The following CSNK1G1 variants were observed in gnomAD, a reference collection of about 807,000 sequenced individuals.
The protein encoded by CSNK1G1 is casein kinase I isoform gamma-1.
In CSNK1G1, 22 loss-of-function variants were observed where a neutral mutation model predicts 59.6. The observed-to-expected ratio is 0.37, with a 90% CI of 0.26 to 0.53. CSNK1G1 has a LOEUF of 0.53. Among genes scored for constraint, CSNK1G1 ranks in the 20% least tolerant of loss-of-function variants. The pLI is 0.89. For synonymous variants in CSNK1G1, 179 were observed against 177.1 expected, an observed-to-expected ratio of 1.01 and a Z score of -0.08; for missense variants, 384 against 519.5, an observed-to-expected ratio of 0.74 and a Z score of 2.54.
intron 2 of CSNK1G1, chr15:64,266,008 T>C: frequency 3.2e-6 from 1 of 314,166 alleles, no homozygotes; most frequent in Non-Finnish European, 6.4e-6. Flanking sequence ...TGTTTGAGTC[T>C]AGGATCTTTG....
intron 4 of CSNK1G1, among the ~76,000 whole-genome samples, chr15:64,240,730 A>C (rs1046264150): frequency 2.0e-5 from 3 of 152,190 alleles, no homozygotes; most frequent in African/African-American, 7.2e-5. Context: ...TTCCCAGACA[A>C]GCAAAAACTG....
intron 3 of CSNK1G1, among the ~76,000 whole-genome samples, chr15:64,254,353 CTTTT>C (rs564370323): frequency 7.4e-6 from 1 of 135,188 alleles, no homozygotes; most frequent in Non-Finnish European, 1.6e-5. Flanking sequence ...TGCCATTGAA[CTTTT>C]TTTTTTTTTT....
rs1377852602 is a variant in CSNK1G1 at position 64,166,168 on chromosome 15, C to T, written c.*5763G>A. 3 of 490,290 alleles carry T rather than the reference C, an allele frequency of 6.1e-6. No homozygotes were observed. Among genetic ancestry groups the T allele is most frequent in the African/African-American group, 6.0e-5 (3 of 50,092 alleles). 30.4% of individuals were successfully genotyped at this position (490,290 alleles called of 1,614,324 possible). On this transcript the variant is annotated 3_prime_UTR_variant, in exon 12 of 12. Transcript: ENST00000303052. This position sits in a 1 kb window ranked among gnomAD's most constrained non-coding sequence, Gnocchi z 4.5. ...AACTGATTTCCACTGCTGATTTATA[C>T]ATTATCTAGTTGTTTAAAAATCGCA... is the stretch of plus-strand genomic sequence containing the variant.
At chr15:64,222,433 C>A (rs12899353) in intron 4 of CSNK1G1, among the ~76,000 whole-genome samples, 98,918 of 109,154 alleles carry the variant, frequency 0.91, 44,555 homozygotes, top group Non-Finnish European at 0.95. Flanking sequence ...AACAACAACA[C>A]CACCAAAAAA....
At chr15:64,180,512 A>AT in intron 10 of CSNK1G1, 58 bp from the exon 11 acceptor site, 2 of 1,367,134 alleles carry the variant, frequency 1.5e-6, no homozygotes, top group Non-Finnish European at 2.1e-6. Flanking sequence ...ATCTCTTGCC[A>AT]GCGCCAGACA....
chr15:64,346,808 G>T (rs1027220853), intron 1 of CSNK1G1, among the ~76,000 whole-genome samples: 19 of 152,190 alleles, frequency 1.2e-4, no homozygotes, highest in African/African-American at 4.6e-4. Flanking sequence ...TGAAAGAGAA[G>T]AGGTTAACTT....
intron 1 of CSNK1G1, among the ~76,000 whole-genome samples, chr15:64,350,289 CGA>C (rs1566957718): frequency 6.6e-6 from 1 of 151,888 alleles, no homozygotes; most frequent in African/African-American, 2.4e-5. Flanking sequence ...GTCAGGAGAT[CGA>C]GACCATCCTG....
chr15:64,323,443 GCAACC>G (rs1468791291), intron 1 of CSNK1G1, among the ~76,000 whole-genome samples: 1 of 151,278 alleles, frequency 6.6e-6, no homozygotes. Flanking sequence ...TCGGCTCACT[GCAACC>G]TCTGCCTCCT....
rs1035787501 is a variant in CSNK1G1 at position 64,210,884 on chromosome 15, C to A, written c.679+3006G>T. Reference sequence around the variant, plus strand: ...CCCTCATTAACTGATTAACGACCTCCCTTAGGGATGAGTTCCCAAGAAAGC... The same window carrying A: ...CCCTCATTAACTGATTAACGACCTCACTTAGGGATGAGTTCCCAAGAAAGC... On this transcript the variant is annotated intron_variant, in intron 6 of 11. Coordinates refer to ENST00000303052, the MANE Select transcript of CSNK1G1 (RefSeq NM_022048.5). This position sits in a 1 kb window ranked among gnomAD's most constrained non-coding sequence, Gnocchi z 4.2. Among the ~76,000 whole-genome samples the A allele has an allele frequency of 2.0e-5, 3 of 152,140 alleles. No homozygotes were observed. The highest frequency in any genetic ancestry group is 7.2e-5 in the African/African-American group (3 of 41,424).
intron 6 of CSNK1G1, among the ~76,000 whole-genome samples, chr15:64,213,369 TA>T (rs1043208621): frequency 6.6e-6 from 1 of 152,204 alleles, no homozygotes; most frequent in African/African-American, 2.4e-5. Flanking sequence ...CATTTAACAA[TA>T]TTTGTGCAGG....
chr15:64,342,265 C>T (rs1596300099), intron 1 of CSNK1G1, among the ~76,000 whole-genome samples: 1 of 152,212 alleles, frequency 6.6e-6, no homozygotes, highest in East Asian at 1.9e-4. Flanking sequence ...ACCTTCCTTT[C>T]TCTGCCTCAT....
chr15:64,308,723 C>T (rs1158243674), intron 1 of CSNK1G1, among the ~76,000 whole-genome samples: 1 of 151,954 alleles, frequency 6.6e-6, no homozygotes, highest in Non-Finnish European at 1.5e-5. Context: ...GGTGAAACCC[C>T]ATCTCTACTA....
rs989084662 is a variant in CSNK1G1, at chr15:64,188,546, G to A, written c.1108-8092C>T. The A allele has an allele frequency of 1.8e-5, 23 of 1,263,932 alleles. No individual in the cohort carries two copies. In the African/African-American group the frequency reaches 2.1e-4, roughly 11 times the overall value. 78.3% of individuals were successfully genotyped at this position (1,263,932 alleles called of 1,614,324 possible). Reference sequence around the variant, plus strand: ...GGAAGGAAAGGTGAAGCAACAGCAAGCAATAACAAAATCAAGTACATTCGT... The same window carrying A: ...GGAAGGAAAGGTGAAGCAACAGCAAACAATAACAAAATCAAGTACATTCGT... On this transcript the variant is annotated intron_variant, in intron 10 of 11. Transcript: ENST00000303052. This position sits in a 1 kb window ranked among gnomAD's most constrained non-coding sequence, Gnocchi z 4.2.
At chr15:64,344,018 AT>A (rs377547721) in intron 1 of CSNK1G1, among the ~76,000 whole-genome samples, 17 of 152,164 alleles carry the variant, frequency 1.1e-4, no homozygotes, top group African/African-American at 4.1e-4. Context: ...ATGGTGAGTC[AT>A]TTAGCCCCTT....
At chr15:64,209,479 T>G (rs2082224045) in intron 6 of CSNK1G1, among the ~76,000 whole-genome samples, 2 of 151,510 alleles carry the variant, frequency 1.3e-5, no homozygotes, top group Non-Finnish European at 2.9e-5. Flanking sequence ...TTGATGGAGG[T>G]TGTAAAAAGA....
chr15:64,317,601 G>T (rs1426318014), intron 1 of CSNK1G1, among the ~76,000 whole-genome samples: 2 of 145,520 alleles, frequency 1.4e-5, no homozygotes, highest in Non-Finnish European at 3.0e-5. Flanking sequence ...ACAGGGTTTC[G>T]TTGTGTTGGC....
chr15:64,234,233 G>T (rs2082586213), intron 4 of CSNK1G1, among the ~76,000 whole-genome samples: 1 of 151,868 alleles, frequency 6.6e-6, no homozygotes, highest in Non-Finnish European at 1.5e-5. Context: ...CAGTGAACGG[G>T]ATTGCAACTT....
At chr15:64,298,926 GCTA>G (rs145519430) in intron 2 of CSNK1G1, among the ~76,000 whole-genome samples, 6,717 of 151,910 alleles carry the variant, frequency 0.044, 190 homozygotes, top group South Asian at 0.086. Flanking sequence ...GTAAGTCCCA[GCTA>G]CTCTGGAGGA....
intron 1 of CSNK1G1, among the ~76,000 whole-genome samples, chr15:64,337,916 CTTA>C (rs1897474855): frequency 6.6e-6 from 1 of 152,170 alleles, no homozygotes; most frequent in African/African-American, 2.4e-5. Context: ...CTGTGTCTGA[CTTA>C]TTATACTAAG....
Sources: gnomAD v4.1 joint callset for allele counts (sites outside exome capture counted in the v4.1 genomes callset) on GRCh38, gnomAD v4.1.1 for gene constraint, Gnocchi (gnomAD v3.1) non-coding constraint, MANE v1.5 for transcripts, NCBI Gene and HGNC (gene_info 2026-07-23, HGNC 2026-07-21) for gene names.